The following RIMBP2 variants were observed in gnomAD, a reference collection of about 807,000 sequenced individuals.
The protein encoded by RIMBP2 is RIMS-binding protein 2.
RIMBP2 carries 48 observed loss-of-function variants against 118.6 expected under a neutral mutation model. The ratio of observed to expected loss-of-function variants is 0.40; its 90% CI spans 0.32 to 0.51. The LOEUF (loss-of-function observed/expected upper bound fraction) is 0.51. Ranked by LOEUF, RIMBP2 falls within the 20% of genes least tolerant of loss-of-function variation. RIMBP2 has a pLI of 0.41. For missense variants in RIMBP2, 1,551 were observed against 1,768.3 expected, an observed-to-expected ratio of 0.88 and a Z score of 2.20; for synonymous variants, 762 against 742.9, an observed-to-expected ratio of 1.03 and a Z score of -0.42.
At chr12:130,636,901 C>A (rs1368012171) in intron 1 of RIMBP2, among the ~76,000 whole-genome samples, 1 of 152,188 alleles carries the variant, frequency 6.6e-6, no homozygotes, top group Admixed American at 6.5e-5. Flanking sequence ...AGGTTTTCTG[C>A]CACTTTTAGT....
At chr12:130,640,926 A>C (rs1373705316) in intron 1 of RIMBP2, among the ~76,000 whole-genome samples, 10 of 152,342 alleles carry the variant, frequency 6.6e-5, no homozygotes, top group African/African-American at 2.4e-4. Context: ...CATTAAATTG[A>C]TAACTTTAAT....
At chr12:130,611,858 G>T (rs897001353) in intron 2 of RIMBP2, among the ~76,000 whole-genome samples, 1 of 152,184 alleles carries the variant, frequency 6.6e-6, no homozygotes, top group African/African-American at 2.4e-5. Flanking sequence ...AAAGTTCTCT[G>T]CCATGCAGGG....
intron 2 of RIMBP2, among the ~76,000 whole-genome samples, chr12:130,594,421 A>G (rs1053890284): frequency 6.6e-6 from 1 of 152,246 alleles, no homozygotes; most frequent in Non-Finnish European, 1.5e-5. Flanking sequence ...TGCATTGCAC[A>G]TAGAAGAGGG....
At chr12:130,502,413 TC>T (rs2049888708) in intron 4 of RIMBP2, among the ~76,000 whole-genome samples, 1 of 152,152 alleles carries the variant, frequency 6.6e-6, no homozygotes, top group African/African-American at 2.4e-5. Flanking sequence ...AATCCGGGTT[TC>T]ATTTTTTACT....
At chr12:130,518,627 G>T (rs1366338835) in intron 2 of RIMBP2, among the ~76,000 whole-genome samples, 1 of 152,120 alleles carries the variant, frequency 6.6e-6, no homozygotes, top group Non-Finnish European at 1.5e-5. Context: ...TCATTTTTAG[G>T]CTCAGTTTTA....
At chr12:130,624,356 A>T (rs1337293621) in intron 2 of RIMBP2, among the ~76,000 whole-genome samples, 7 of 152,360 alleles carry the variant, frequency 4.6e-5, no homozygotes, top group African/African-American at 1.7e-4. Context: ...GTATGTAAGT[A>T]ATGAAAATTA....
At chr12:130,487,543 C>T (rs548647417) in intron 4 of RIMBP2, among the ~76,000 whole-genome samples, 19 of 152,328 alleles carry the variant, frequency 1.2e-4, no homozygotes, top group Non-Finnish European at 1.6e-4. Flanking sequence ...ATGCTGGTGC[C>T]ATGCTTGTAC....
intron 2 of RIMBP2, among the ~76,000 whole-genome samples, chr12:130,559,028 GT>G (rs1300889516): frequency 6.6e-6 from 1 of 151,842 alleles, no homozygotes; most frequent in Non-Finnish European, 1.5e-5. Context: ...CCAATACCTT[GT>G]TTTTTAGATT....
At chr12:130,613,964 C>CCCAA (rs1383541702) in intron 2 of RIMBP2, among the ~76,000 whole-genome samples, 3 of 152,140 alleles carry the variant, frequency 2.0e-5, no homozygotes, top group African/African-American at 7.2e-5. Context: ...GAGGCAGGTC[C>CCCAA]TTTCAGCCCT....
chr12:130,447,089 AGGAG>A lies in RIMBP2; in HGVS notation c.582-1824_582-1821del. Among the ~76,000 whole-genome samples, 1 of 151,068 alleles carries A rather than the reference AGGAG, an allele frequency of 6.6e-6. No individual in the cohort carries two copies. The highest frequency in any genetic ancestry group is 6.6e-5 in the Admixed American group (1 of 15,140). ...GTGTTCTCGGAGGAGGAGGAGGAGG[AGGAG>A]GGAGCGAGAGGAACAGGAGCCCCCA... On this transcript the variant is annotated intron_variant, in intron 9 of 22. Coordinates refer to ENST00000690449, the MANE Select transcript of RIMBP2 (RefSeq NM_001393629.1). The surrounding 1 kb of genome is among the most constrained non-coding windows in gnomAD (Gnocchi z 4.4).
intron 4 of RIMBP2, among the ~76,000 whole-genome samples, chr12:130,497,080 G>A (rs776714988): frequency 1.3e-5 from 2 of 152,062 alleles, no homozygotes; most frequent in Non-Finnish European, 2.9e-5. Context: ...CCATCCACAC[G>A]TGGCTTCCTC....
At chr12:130,571,416 ATTTTT>A (rs1555294909) in intron 2 of RIMBP2, among the ~76,000 whole-genome samples, 1 of 104,290 alleles carries the variant, frequency 9.6e-6, no homozygotes, top group African/African-American at 3.2e-5. Context: ...CCATAGTAAC[ATTTTT>A]TTTTTTTTTT....
Position 130,688,120 on chromosome 12 carries a change from A to C in RIMBP2, c.-352+28102T>G, listed in dbSNP as rs1271645213. Among the ~76,000 whole-genome samples the C allele has an allele frequency of 6.6e-6, 1 of 152,214 alleles. No individual in the cohort carries two copies. The highest frequency in any genetic ancestry group is 2.4e-5 in the African/African-American group (1 of 41,456). ...TTACAAAATGACACACTCGGTGACCAGGCTCTGATGCCATTCCAAGCATGG... is the reference window on the plus strand; with the variant it reads ...TTACAAAATGACACACTCGGTGACCCGGCTCTGATGCCATTCCAAGCATGG... On this transcript the variant is annotated intron_variant, in intron 1 of 22. Coordinates refer to ENST00000690449, the MANE Select transcript of RIMBP2 (RefSeq NM_001393629.1). The surrounding 1 kb of genome is among the most constrained non-coding windows in gnomAD (Gnocchi z 4.7).
chr12:130,526,514 T>C (rs2052803175), intron 2 of RIMBP2, among the ~76,000 whole-genome samples: 3 of 152,232 alleles, frequency 2.0e-5, no homozygotes, highest in African/African-American at 7.2e-5. Context: ...GTGATTTAAG[T>C]TAAATATCAT....
chr12:130,430,354 G>C (rs2136922939), intron 14 of RIMBP2: 1 of 152,332 alleles, frequency 6.6e-6, no homozygotes, highest in Non-Finnish European at 1.5e-5. Flanking sequence ...TCCAGCAGGA[G>C]GCCTGTGGCT....
chr12:130,532,387 G>A (rs1164291983), intron 2 of RIMBP2, among the ~76,000 whole-genome samples: 48 of 139,050 alleles, frequency 3.5e-4, no homozygotes, highest in Admixed American at 1.9e-3. Context: ...TGAGATGCGT[G>A]TGTTTAGCCT....
intron 1 of RIMBP2, among the ~76,000 whole-genome samples, chr12:130,698,342 G>A (rs189365395): frequency 1.5e-3 from 227 of 152,258 alleles, no homozygotes; most frequent in African/African-American, 5.3e-3. Context: ...CCCTGCTACC[G>A]CTCCTAATGT....
chr12:130,560,682 G>A (rs551818718), intron 2 of RIMBP2, among the ~76,000 whole-genome samples: 3 of 152,274 alleles, frequency 2.0e-5, no homozygotes, highest in East Asian at 1.9e-4. Flanking sequence ...CTCCTCAATC[G>A]CATGTGTCTT....
intron 1 of RIMBP2, among the ~76,000 whole-genome samples, chr12:130,630,183 C>T (rs2061909042): frequency 6.6e-6 from 1 of 151,888 alleles, no homozygotes; most frequent in South Asian, 2.1e-4. Context: ...TAAAAAGAGA[C>T]TATCAATCCA....
Sources: allele counts gnomAD v4.1 joint callset (sites outside exome capture counted in the v4.1 genomes callset), GRCh38; gene constraint gnomAD v4.1.1; non-coding constraint Gnocchi (gnomAD v3.1); transcripts MANE v1.5; gene names NCBI Gene and HGNC (gene_info 2026-07-23, HGNC 2026-07-21).